The following MAF variants were observed in gnomAD, a reference collection of about 807,000 sequenced individuals.
The protein encoded by MAF is transcription factor Maf.
MAF carries 10 observed loss-of-function variants against 22.0 expected under a neutral mutation model. The observed-to-expected ratio is 0.45, with a 90% CI of 0.28 to 0.77. The LOEUF is 0.77. MAF is among the 30% of genes least tolerant of loss of function. MAF has a pLI of 0.12. For synonymous variants in MAF, 337 were observed against 255.8 expected (o/e 1.32, Z -3.03); for missense variants, 544 against 548.4 (o/e 0.99, Z 0.08).
Position 79,599,261 on chromosome 16 carries a change from C to G in MAF, c.642G>C (p.Gly214=). Residue 214 remains glycine (G), a synonymous_variant, in exon 1 of 2, where the codon GGG becomes GGC. Coordinates refer to ENST00000326043, the MANE Select transcript of MAF (RefSeq NM_005360.5). ...TGGCCGGGCCACCGCCGCCCGCGCC[C>G]CCAGCGCCACCGGCCGAGGCGGCCG... ...GSAAASAGGA[G]GAGGGGPASA... 2 of 978,508 alleles carry G rather than the reference C, an allele frequency of 2.0e-6. No individual in the cohort carries two copies. Among genetic ancestry groups the G allele is most frequent in the South Asian group, 4.7e-5 (1 of 21,288 alleles). The allele number at this position is 978,508 out of a possible 1,614,324, so 60.6% of individuals were successfully genotyped here. A position where few individuals can be genotyped will look rare whatever the true frequency, so the allele number is the denominator to read the frequency against.
chr16:79,367,874 T>A, the MAF span, among the ~76,000 whole-genome samples: 1 of 152,212 alleles, frequency 6.6e-6, no homozygotes, highest in Non-Finnish European at 1.5e-5. Flanking sequence ...CATAACCAGA[T>A]TCTTCTTTTG....
the MAF span, among the ~76,000 whole-genome samples, chr16:79,351,290 T>C: frequency 6.6e-6 from 1 of 152,184 alleles, no homozygotes; most frequent in Non-Finnish European, 1.5e-5. Flanking sequence ...TGAACATAGT[T>C]AACAAGGAGT....
the MAF span, among the ~76,000 whole-genome samples, chr16:79,443,152 T>C: frequency 6.6e-6 from 1 of 152,104 alleles, no homozygotes; most frequent in Non-Finnish European, 1.5e-5. Context: ...GAAGCAAAAC[T>C]GATGCTTGGT....
chr16:79,420,895 A>C, the MAF span, among the ~76,000 whole-genome samples: 1 of 152,112 alleles, frequency 6.6e-6, no homozygotes, highest in South Asian at 2.1e-4. Flanking sequence ...TTATCCAGGC[A>C]TGGGGGCAGG....
chr16:79,507,396 G>A, the MAF span, among the ~76,000 whole-genome samples: 11 of 151,568 alleles, frequency 7.3e-5, 1 homozygote, highest in South Asian at 1.0e-3. Flanking sequence ...GATTACAGGC[G>A]TGAGCCACCA....
the MAF span, among the ~76,000 whole-genome samples, chr16:79,323,260 G>A: frequency 6.6e-6 from 1 of 151,072 alleles, no homozygotes; most frequent in African/African-American, 2.4e-5. Flanking sequence ...AACTGGAAGG[G>A]GGGATGACAT....
chr16:79,319,647 T>C, the MAF span, among the ~76,000 whole-genome samples: 1 of 152,220 alleles, frequency 6.6e-6, no homozygotes, highest in Non-Finnish European at 1.5e-5. Context: ...TAAACTATTC[T>C]ACTTATTTCT....
chr16:79,465,247 G>A, the MAF span, among the ~76,000 whole-genome samples: 1 of 152,184 alleles, frequency 6.6e-6, no homozygotes, highest in African/African-American at 2.4e-5. Context: ...AGGGCCAACT[G>A]TATTTTCATT....
chr16:79,288,102 G>A, the MAF span, among the ~76,000 whole-genome samples: 1 of 152,158 alleles, frequency 6.6e-6, no homozygotes, highest in Admixed American at 6.5e-5. Context: ...AGGGAGGGCA[G>A]AGGGAGGGTG....
chr16:79,322,924 A>G, the MAF span, among the ~76,000 whole-genome samples: 10,094 of 151,772 alleles, frequency 0.067, 419 homozygotes, highest in African/African-American at 0.12. Context: ...GCCGAGGTGA[A>G]CAGATCATGA....
At chr16:79,347,975 T>G in the MAF span, among the ~76,000 whole-genome samples, 3 of 152,256 alleles carry the variant, frequency 2.0e-5, no homozygotes, top group South Asian at 4.1e-4. Context: ...AATTAGGGAG[T>G]GAAGGAATTC....
At chr16:79,295,567 T>A in the MAF span, among the ~76,000 whole-genome samples, 1 of 152,252 alleles carries the variant, frequency 6.6e-6, no homozygotes, top group Non-Finnish European at 1.5e-5. Context: ...TAGTTCATGA[T>A]GCACAGAAAA....
At chr16:79,276,771 A>T in the MAF span, among the ~76,000 whole-genome samples, 3 of 152,150 alleles carry the variant, frequency 2.0e-5, no homozygotes, top group Non-Finnish European at 4.4e-5. Flanking sequence ...CTAACAAATG[A>T]CCATAAAACG....
the MAF span, among the ~76,000 whole-genome samples, chr16:79,371,093 G>C: frequency 6.6e-6 from 1 of 152,040 alleles, no homozygotes; most frequent in Non-Finnish European, 1.5e-5. Context: ...TCAGATGGTG[G>C]ATGAATGGTT....
the MAF span, among the ~76,000 whole-genome samples, chr16:79,223,098 A>T: frequency 6.6e-6 from 1 of 151,902 alleles, no homozygotes; most frequent in Non-Finnish European, 1.5e-5. Context: ...ACTTATTGTA[A>T]AATTGACCAC....
chr16:79,319,614 C>G, the MAF span, among the ~76,000 whole-genome samples: 1 of 152,178 alleles, frequency 6.6e-6, no homozygotes, highest in Admixed American at 6.5e-5. Context: ...AGGTGGGATT[C>G]TTGGCATTTC....
chr16:79,369,613 G>T, the MAF span, among the ~76,000 whole-genome samples: 1 of 152,176 alleles, frequency 6.6e-6, no homozygotes, highest in Admixed American at 6.5e-5. Context: ...CCAAGACTTG[G>T]GAGTTTGTGT....
chr16:79,473,754 G>T, the MAF span, among the ~76,000 whole-genome samples: 1 of 152,138 alleles, frequency 6.6e-6, no homozygotes, highest in Non-Finnish European at 1.5e-5. Context: ...CGTATCGCAA[G>T]CTCTGCCGAC....
chr16:79,541,444 T>C, the MAF span, among the ~76,000 whole-genome samples: 3 of 151,884 alleles, frequency 2.0e-5, no homozygotes, highest in Non-Finnish European at 4.4e-5. Context: ...GCAGGGACTC[T>C]AGGCACAGTA....
Sources: gnomAD v4.1 joint callset for allele counts (sites outside exome capture counted in the v4.1 genomes callset) on GRCh38, gnomAD v4.1.1 for gene constraint, MANE v1.5 for transcripts, NCBI Gene and HGNC (gene_info 2026-07-23, HGNC 2026-07-21) for gene names.